GBF1: variants seen among roughly 807,000 people sequenced by gnomAD.
GBF1 encodes the protein Golgi-specific brefeldin A-resistance guanine nucleotide exchange factor 1.
GBF1 carries 114 observed loss-of-function variants against 210.5 expected under a neutral mutation model. The observed-to-expected ratio is 0.54, with a 90% confidence interval of 0.47 to 0.63. The LOEUF is 0.63. Among genes scored for constraint, GBF1 ranks in the 30% least tolerant of loss-of-function variants. The probability of loss-of-function intolerance (pLI) is 0.00; values close to 1 mark genes in which losing one functional copy is unlikely to be tolerated. For synonymous variants in GBF1, 850 were observed against 889.2 expected (o/e 0.96, Z 0.78); for missense variants, 1,851 against 2,357.7 (o/e 0.79, Z 4.45).
intron 4 of GBF1, among the ~76,000 whole-genome samples, chr10:102,344,959 T>G (rs1365095157): frequency 1.3e-5 from 2 of 152,170 alleles, no homozygotes; most frequent in Admixed American, 6.5e-5. Flanking sequence ...TGTTTTTCTA[T>G]GTCTTTATAA....
Position 102,322,898 on chromosome 10 carries a change from CAG to C in GBF1, c.164-21150_164-21149del, listed in dbSNP as rs2056544595. On this transcript the variant is annotated intron_variant, in intron 3 of 39. Transcript: ENST00000369983. The stretch of plus-strand genomic sequence containing the variant: ...CACCACTGTAGTCCAGCCTGGGTGA[CAG>C]AGCAAGACTGTCTCAAAGTAATAAT... Among the ~76,000 whole-genome samples, 7 of 151,980 alleles carry C rather than the reference CAG, an allele frequency of 4.6e-5. No individual in the cohort carries two copies. The South Asian group carries it at 1.5e-3, about 32-fold the overall frequency.
chr10:102,253,124 ACCTCAGTTGATCTGCCTGCTTTGG>A (rs1037583404), intron 1 of GBF1, among the ~76,000 whole-genome samples: 2 of 151,934 alleles, frequency 1.3e-5, no homozygotes, highest in African/African-American at 4.8e-5. Flanking sequence ...CAAACTCCTG[ACCTCAGTTGATCTGCCTGCTTTGG>A]CCTCCCAAAG....
At chr10:102,356,263 A>G (rs1200087700) in intron 8 of GBF1, among the ~76,000 whole-genome samples, 1 of 152,212 alleles carries the variant, frequency 6.6e-6, no homozygotes, top group Non-Finnish European at 1.5e-5. Context: ...GGCCATGGAC[A>G]ATAGGATATA....
chr10:102,375,322 C>G (rs189739040), intron 29 of GBF1, 37 bp from the exon 30 acceptor site: 1 of 1,210,930 alleles, frequency 8.3e-7, no homozygotes, highest in African/African-American at 1.5e-5. Flanking sequence ...CCACACAGCT[C>G]CCCGCTTCCC....
rs1276483968 is a variant in GBF1, at chr10:102,341,776, C to T, written c.164-2275C>T. Among the ~76,000 whole-genome samples the T allele has an allele frequency of 2.0e-5, 3 of 152,124 alleles. 1 individual carries two copies. The highest frequency in any genetic ancestry group is 7.2e-5 in the African/African-American group (3 of 41,416). The stretch of plus-strand genomic sequence containing the variant: ...AATTAGCAAAAAGAGGCTGAATGCA[C>T]ATCACCCTAGAAGTGTGGACCCCAT... On this transcript the variant is annotated intron_variant, in intron 3 of 39. Transcript: ENST00000369983.
Position 102,359,286 on chromosome 10 carries a change from A to G in GBF1, c.1031A>G (p.Glu344Gly), listed in dbSNP as rs550303244. 7.4e-5 allele frequency: 119 copies of G among 1,612,650 alleles called. 2 individuals carry two copies. In the South Asian group the frequency reaches 1.3e-3, roughly 17 times the overall value. ...PDLQQEGTHV[E>G]KSQSASVESI... ...TCATAGCAGGAAGGGACCCATGTGG[A>G]AAAGTCCCAGTCAGCATCTGTGGAG... is the stretch of plus-strand genomic sequence containing the variant. The change falls in exon 11 of 40, where the codon GAA (glutamate) becomes GGA (glycine). Residue 344 changes from glutamate (E) to glycine (G), a missense_variant. By Grantham distance (98) the Glu-to-Gly change is moderately conservative (BLOSUM62 -2). Coordinates refer to ENST00000369983, the MANE Select transcript of GBF1 (RefSeq NM_001377137.1).
In GBF1 at chr10:102,296,266, A is replaced by G. The variant is rs372197666; in HGVS notation, c.163+36150A>G. ...GAAAAAAACTGCCCAACTGACTTAA[A>G]TAAGAAAGAAGGGTTATGGTTTTGC... On this transcript the variant is annotated intron_variant, in intron 3 of 39. Coordinates refer to ENST00000369983, the MANE Select transcript of GBF1 (RefSeq NM_001377137.1). 8.5e-5 allele frequency among the ~76,000 whole-genome samples: 13 copies of G among 152,314 alleles called. No homozygotes were observed. The East Asian group carries it at 1.3e-3, about 16-fold the overall frequency.
At chr10:102,266,447 G>A (rs1443244321) in intron 3 of GBF1, among the ~76,000 whole-genome samples, 17 of 152,146 alleles carry the variant, frequency 1.1e-4, no homozygotes, top group Admixed American at 1.1e-3. Context: ...AAGTGGGTCT[G>A]TAATGGTAAA....
intron 3 of GBF1, among the ~76,000 whole-genome samples, chr10:102,302,325 A>G (rs1262947919): frequency 6.6e-6 from 1 of 152,222 alleles, no homozygotes; most frequent in Non-Finnish European, 1.5e-5. Flanking sequence ...ACGTGGTTAC[A>G]CAACTCTGAA....
chr10:102,302,181 G>T (rs1248137023), intron 3 of GBF1, among the ~76,000 whole-genome samples: 4 of 152,328 alleles, frequency 2.6e-5, no homozygotes, highest in Admixed American at 1.3e-4. Context: ...AGGAGAATCA[G>T]GCAGGGAGGT....
Position 102,375,441 on chromosome 10 carries a change from A to G in GBF1, c.3743A>G (p.His1248Arg), listed in dbSNP as rs2060442727. The change falls in exon 30 of 40, where the codon CAT (histidine) becomes CGT (arginine). Residue 1248 changes from histidine to arginine, a missense_variant. By Grantham distance (29) the His-to-Arg change is conservative. Coordinates refer to ENST00000369983, the MANE Select transcript of GBF1 (RefSeq NM_001377137.1). ...AGCCACCAGGTTGCGTATGGGCTCCATGAACTCCTGAAGACCAATGCAGCC... is the reference window on the plus strand; with the variant it reads ...AGCCACCAGGTTGCGTATGGGCTCCGTGAACTCCTGAAGACCAATGCAGCC... ...RVSHQVAYGL[H>R]ELLKTNAANI... 5.6e-6 allele frequency: 9 copies of G among 1,613,874 alleles called. No individual in the cohort carries two copies. Among genetic ancestry groups the G allele is most frequent in the Non-Finnish European group, 7.6e-6 (9 of 1,179,772 alleles).
At chr10:102,357,518 A>G (rs925150006) in intron 8 of GBF1, among the ~76,000 whole-genome samples, 46 of 151,948 alleles carry the variant, frequency 3.0e-4, no homozygotes, top group Non-Finnish European at 5.7e-4. Context: ...TTTATGGCTT[A>G]GGCCCAGCTC....
chr10:102,289,877 A>G (rs1206052472), intron 3 of GBF1, among the ~76,000 whole-genome samples: 1 of 152,194 alleles, frequency 6.6e-6, no homozygotes, highest in Non-Finnish European at 1.5e-5. Context: ...AGAGAGGCCT[A>G]GGCGGGAGGA....
chr10:102,282,971 A>G (rs1291503771), intron 3 of GBF1, among the ~76,000 whole-genome samples: 2 of 152,206 alleles, frequency 1.3e-5, no homozygotes, highest in African/African-American at 4.8e-5. Flanking sequence ...GAGAGGTGAG[A>G]GGAGGTAAAG....
chr10:102,295,041 T>C (rs2076804889), intron 3 of GBF1, among the ~76,000 whole-genome samples: 7 of 152,242 alleles, frequency 4.6e-5, no homozygotes, highest in Admixed American at 4.6e-4. Context: ...GGCAACTTCT[T>C]TCATCTCTTT....
chr10:102,288,959 T>G lies in GBF1; in HGVS notation c.163+28843T>G, dbSNP rs1225373151. On this transcript the variant is annotated intron_variant, in intron 3 of 39. Coordinates refer to ENST00000369983, the MANE Select transcript of GBF1 (RefSeq NM_001377137.1). ...CAACTGAAAATACAAAAAAATTATC[T>G]GGGTGTGGTGGCACACGTTTGTAAT... 3.3e-5 allele frequency among the ~76,000 whole-genome samples: 5 copies of G among 151,956 alleles called. No individual in the cohort carries two copies. The East Asian group carries it at 9.6e-4, about 29-fold the overall frequency.
At chr10:102,288,580 G>A (rs1039711763) in intron 3 of GBF1, among the ~76,000 whole-genome samples, 5 of 151,778 alleles carry the variant, frequency 3.3e-5, no homozygotes, top group Non-Finnish European at 7.4e-5. Flanking sequence ...GCGCGGTGGC[G>A]GGCGCCTGTA....
At chr10:102,326,631 T>C (rs2056924014) in intron 3 of GBF1, among the ~76,000 whole-genome samples, 2 of 152,308 alleles carry the variant, frequency 1.3e-5, no homozygotes, top group East Asian at 3.9e-4. Flanking sequence ...GAATAAAGAA[T>C]ACACAGAACA....
intron 3 of GBF1, among the ~76,000 whole-genome samples, chr10:102,331,391 G>A (rs542582937): frequency 3.9e-5 from 6 of 152,112 alleles, no homozygotes; most frequent in African/African-American, 1.2e-4. Flanking sequence ...TCTAATCCCT[G>A]GGGTTTTCAG....
Sources: allele counts gnomAD v4.1 joint callset (sites outside exome capture counted in the v4.1 genomes callset), GRCh38; gene constraint gnomAD v4.1.1; transcripts MANE v1.5; gene names NCBI Gene and HGNC (gene_info 2026-07-23, HGNC 2026-07-21).